Variants in FOXP1 observed in about 807,000 individuals in gnomAD.
FOXP1 encodes the protein forkhead box protein P1.
FOXP1 carries 15 observed loss-of-function variants against 98.2 expected under a neutral mutation model. The ratio of observed to expected loss-of-function variants is 0.15; its 90% confidence interval spans 0.10 to 0.24. The LOEUF (loss-of-function observed/expected upper bound fraction) is 0.24, where lower values mean the gene tolerates loss of function less well. Ranked by LOEUF, FOXP1 falls within the 10% of genes least tolerant of loss-of-function variation. FOXP1 has a pLI of 1.00. For missense variants in FOXP1, 633 were observed against 848.5 expected, an observed-to-expected ratio of 0.75 and a Z score of 3.15; for synonymous variants, 371 against 314.5, an observed-to-expected ratio of 1.18 and a Z score of -1.90.
At chr3:71,070,544 T>C (rs755845456) in intron 7 of FOXP1, among the ~76,000 whole-genome samples, 4 of 152,188 alleles carry the variant, frequency 2.6e-5, no homozygotes, top group Non-Finnish European at 4.4e-5. Flanking sequence ...GAAGAGTACT[T>C]GCTTATCCTT....
At chr3:71,468,681 T>C (rs559922718) in intron 3 of FOXP1, among the ~76,000 whole-genome samples, 24 of 152,318 alleles carry the variant, frequency 1.6e-4, no homozygotes, top group Admixed American at 1.3e-4. Flanking sequence ...TCTACAGCCT[T>C]TCCCAAATCC....
chr3:71,335,723 G>T (rs769942847), intron 4 of FOXP1, among the ~76,000 whole-genome samples: 1 of 152,026 alleles, frequency 6.6e-6, no homozygotes, highest in Non-Finnish European at 1.5e-5. Flanking sequence ...TGTACAAGGT[G>T]GCCAGGCGTG....
chr3:71,441,352 C>T (rs2085921592), intron 3 of FOXP1, among the ~76,000 whole-genome samples: 1 of 152,220 alleles, frequency 6.6e-6, no homozygotes, highest in African/African-American at 2.4e-5. Context: ...GCTACACATC[C>T]CACCGTGCAC....
chr3:70,966,454 T>C (rs1424876631), intron 19 of FOXP1: 28 of 271,160 alleles, frequency 1.0e-4, no homozygotes, highest in Non-Finnish European at 1.9e-4. Flanking sequence ...ACTCCAGTAT[T>C]GGATATTAGA....
intron 3 of FOXP1, among the ~76,000 whole-genome samples, chr3:71,414,964 T>C (rs1227505220): frequency 6.6e-6 from 1 of 152,220 alleles, no homozygotes; most frequent in Non-Finnish European, 1.5e-5. Flanking sequence ...TCCCAGCACT[T>C]TGTTTCTGTT....
intron 5 of FOXP1, among the ~76,000 whole-genome samples, chr3:71,227,765 A>T (rs901459907): frequency 1.9e-4 from 29 of 152,018 alleles, no homozygotes; most frequent in African/African-American, 7.0e-4. Flanking sequence ...AGGAGTATAA[A>T]GTGACAATTT....
chr3:71,363,117 T>C (rs544387904), intron 3 of FOXP1, among the ~76,000 whole-genome samples: 1 of 149,510 alleles, frequency 6.7e-6, no homozygotes, highest in Admixed American at 6.6e-5. Flanking sequence ...ATGATGTAAA[T>C]GAATAACTTT....
At chr3:71,276,596 A>T (rs746332117) in intron 5 of FOXP1, among the ~76,000 whole-genome samples, 1 of 152,160 alleles carries the variant, frequency 6.6e-6, no homozygotes, top group Non-Finnish European at 1.5e-5. Context: ...ACCCCTAAGT[A>T]TATCCTTTTT....
chr3:71,330,233 T>A (rs1228661128), intron 4 of FOXP1, among the ~76,000 whole-genome samples: 1 of 152,216 alleles, frequency 6.6e-6, no homozygotes, highest in Non-Finnish European at 1.5e-5. Flanking sequence ...TTTTTCTTCA[T>A]TGGGCAAAGG....
intron 2 of FOXP1, among the ~76,000 whole-genome samples, chr3:71,528,662 G>C (rs1371662920): frequency 6.6e-6 from 1 of 152,024 alleles, no homozygotes; most frequent in Non-Finnish European, 1.5e-5. Context: ...CACTTGACTT[G>C]GATAAACAAA....
intron 3 of FOXP1, among the ~76,000 whole-genome samples, chr3:71,409,000 G>C (rs539586417): frequency 1.3e-5 from 2 of 152,284 alleles, no homozygotes; most frequent in East Asian, 3.9e-4. Context: ...CATTCCCCCA[G>C]AGAAATGTAT....
rs34316675 is a variant in FOXP1, at chr3:71,233,688, A to ACC, written c.-11-35298_-11-35297dup. ...GATGATCTGCCTGCCTCGGCCTCGC[A>ACC]CCCCCCCAGCTGGTGCTATAGTTTT... is the stretch of plus-strand genomic sequence containing the variant. On this transcript the variant is annotated intron_variant, in intron 5 of 20. Coordinates refer to ENST00000649528, the MANE Select transcript of FOXP1 (RefSeq NM_001349338.3). Among the ~76,000 whole-genome samples, 297 of 141,412 alleles carry ACC rather than the reference A, an allele frequency of 2.1e-3. 1 individual carries two copies. Among genetic ancestry groups the ACC allele is most frequent in the Admixed American group, 5.4e-3 (74 of 13,580 alleles). 92.8% of individuals were successfully genotyped at this position (141,412 alleles called of 152,430 possible). A position where few individuals can be genotyped will look rare whatever the true frequency, so the allele number is the denominator to read the frequency against.
At chr3:71,002,106 A>C (rs1239308671) in intron 12 of FOXP1, among the ~76,000 whole-genome samples, 1 of 152,210 alleles carries the variant, frequency 6.6e-6, no homozygotes, top group Non-Finnish European at 1.5e-5. Context: ...CAGAGATTTA[A>C]AACCCAGGTC....
intron 6 of FOXP1, among the ~76,000 whole-genome samples, chr3:71,160,326 G>C (rs2108135199): frequency 6.6e-6 from 1 of 152,324 alleles, no homozygotes; most frequent in South Asian, 2.1e-4. Context: ...CTCAGCATTG[G>C]CTCTAGGTGG....
chr3:71,001,997 T>A (rs2042184660), intron 12 of FOXP1, among the ~76,000 whole-genome samples: 1 of 152,174 alleles, frequency 6.6e-6, no homozygotes, highest in South Asian at 2.1e-4. Flanking sequence ...TAAAAATAGT[T>A]GAATACTTCA....
intron 3 of FOXP1, among the ~76,000 whole-genome samples, chr3:71,456,811 T>G (rs908311208): frequency 6.6e-6 from 1 of 151,696 alleles, no homozygotes; most frequent in Non-Finnish European, 1.5e-5. Flanking sequence ...ATTGGTAGTT[T>G]TTTTTTTTTT....
At chr3:71,045,825 G>T (rs1243462861) in intron 10 of FOXP1, among the ~76,000 whole-genome samples, 1 of 152,168 alleles carries the variant, frequency 6.6e-6, no homozygotes, top group East Asian at 1.9e-4. Flanking sequence ...CAAACAAATG[G>T]CCATGCTTTA....
At chr3:71,482,759 T>G (rs1379947844) in intron 3 of FOXP1, among the ~76,000 whole-genome samples, 2 of 152,020 alleles carry the variant, frequency 1.3e-5, no homozygotes, top group Non-Finnish European at 2.9e-5. Context: ...AAATTCACCT[T>G]AAATTCCTCC....
At chr3:71,141,514 A>G (rs888178012) in intron 6 of FOXP1, among the ~76,000 whole-genome samples, 13 of 152,186 alleles carry the variant, frequency 8.5e-5, no homozygotes, top group African/African-American at 2.4e-4. Context: ...CGGTTTCACT[A>G]CTCAGGCAAC....
Sources: allele counts gnomAD v4.1 joint callset (sites outside exome capture counted in the v4.1 genomes callset), GRCh38; gene constraint gnomAD v4.1.1; transcripts MANE v1.5; gene names NCBI Gene and HGNC (gene_info 2026-07-23, HGNC 2026-07-21).